Variants in COBL observed in about 807,000 individuals in gnomAD.
COBL encodes cordon-bleu WH2 repeat protein, also known as protein cordon-bleu.
In COBL, 51 loss-of-function variants were observed where a neutral mutation model predicts 98.8. That is an observed-to-expected ratio of 0.52 (90% CI 0.41 to 0.65). COBL has a LOEUF of 0.65. Ranked by LOEUF, COBL falls within the 30% of genes least tolerant of loss-of-function variation. COBL has a pLI of 0.00. For synonymous variants in COBL, 634 were observed against 651.7 expected (o/e 0.97, Z 0.41); for missense variants, 1,617 against 1,617.5 (o/e 1.00, Z 0.01).
At chr7:51,158,840 G>C (rs577844042) in intron 5 of COBL, among the ~76,000 whole-genome samples, 2 of 152,146 alleles carry the variant, frequency 1.3e-5, no homozygotes, top group East Asian at 1.9e-4. Flanking sequence ...TAGGGCGGGG[G>C]ACAGGGAAAG....
At chr7:51,061,101 T>C (rs562058978) in intron 7 of COBL, among the ~76,000 whole-genome samples, 1 of 152,314 alleles carries the variant, frequency 6.6e-6, no homozygotes, top group African/African-American at 2.4e-5. Context: ...GCTGAGGTGC[T>C]TGCTGAAGGC....
chr7:51,136,068 G>T, intron 6 of COBL, 90 bp downstream of exon 6: 2 of 1,473,434 alleles, frequency 1.4e-6, no homozygotes, highest in Non-Finnish European at 1.8e-6. Context: ...CCACAAACAT[G>T]AAGGATTACT....
intron 5 of COBL, among the ~76,000 whole-genome samples, chr7:51,142,324 C>G (rs1456960112): frequency 1.3e-5 from 2 of 151,360 alleles, no homozygotes; most frequent in Non-Finnish European, 2.9e-5. Context: ...CTGATGGTTT[C>G]TCGCCTGGCA....
At chr7:51,092,532 G>C (rs1794907577) in intron 6 of COBL, among the ~76,000 whole-genome samples, 1 of 152,218 alleles carries the variant, frequency 6.6e-6, no homozygotes, top group Middle Eastern at 3.4e-3. Flanking sequence ...ATTTACTGAA[G>C]AGACTGTTCT....
At chr7:51,110,612 T>C (rs761876190) in intron 6 of COBL, among the ~76,000 whole-genome samples, 24 of 152,226 alleles carry the variant, frequency 1.6e-4, no homozygotes, top group Non-Finnish European at 2.6e-4. Flanking sequence ...AGTTGTGATC[T>C]GTGAGGTTTT....
intron 1 of COBL, among the ~76,000 whole-genome samples, chr7:51,275,481 C>T (rs1799215491): frequency 6.6e-6 from 1 of 152,190 alleles, no homozygotes. Context: ...GTTCTGAGAT[C>T]CCAGCTCCAC....
intron 1 of COBL, among the ~76,000 whole-genome samples, chr7:51,239,454 T>C (rs1220096131): frequency 6.6e-6 from 1 of 152,182 alleles, no homozygotes; most frequent in Non-Finnish European, 1.5e-5. Flanking sequence ...GTTCCAGGAA[T>C]TGCCCACCCC....
intron 7 of COBL, chr7:51,071,275 G>A (rs1792525044): frequency 6.6e-6 from 1 of 152,202 alleles, no homozygotes. Context: ...TGAAATGCAA[G>A]TGCTTTGGGA....
Position 51,025,050 on chromosome 7 carries a change from C to A in COBL, c.3768+59G>T, listed in dbSNP as rs1488680421. 1.9e-6 allele frequency: 3 copies of A among 1,607,152 alleles called. No homozygotes were observed. In the African/African-American group the frequency reaches 4.0e-5, roughly 21 times the overall value. ...CCCACAGGCAAGCGTGTCCCTGGAT[C>A]TACGCTGCACCTCCAACCCTCTGGC... On this transcript the variant is annotated intron_variant, in intron 12 of 12. Coordinates refer to ENST00000265136, the MANE Select transcript of COBL (RefSeq NM_015198.5).
At chr7:51,215,296 A>T (rs569084570) in intron 2 of COBL, among the ~76,000 whole-genome samples, 1 of 152,320 alleles carries the variant, frequency 6.6e-6, no homozygotes, top group East Asian at 1.9e-4. Flanking sequence ...CACAAAAAAG[A>T]TTTTCGTAAA....
chr7:51,036,879 A>G (rs1413058894), intron 8 of COBL, among the ~76,000 whole-genome samples: 1 of 152,220 alleles, frequency 6.6e-6, no homozygotes, highest in Non-Finnish European at 1.5e-5. Flanking sequence ...TGTGGAATTG[A>G]TGTTCCCAAA....
intron 7 of COBL, among the ~76,000 whole-genome samples, chr7:51,047,872 A>G (rs958839530): frequency 7.4e-6 from 1 of 135,800 alleles, no homozygotes; most frequent in East Asian, 2.4e-4. Context: ...AAGCATTTCA[A>G]TAATTTTGTG....
At chr7:51,139,780 T>A (rs557574332) in intron 5 of COBL, among the ~76,000 whole-genome samples, 2 of 152,342 alleles carry the variant, frequency 1.3e-5, no homozygotes, top group African/African-American at 4.8e-5. Flanking sequence ...TTGTGAAGTA[T>A]TGAGTCCTTT....
At chr7:51,230,507 G>T (rs560316143) in intron 1 of COBL, among the ~76,000 whole-genome samples, 1 of 151,860 alleles carries the variant, frequency 6.6e-6, no homozygotes, top group African/African-American at 2.4e-5. Context: ...CTGACTTCCT[G>T]CTGGCCCCTT....
At chr7:51,230,838 A>C (rs1291791303) in intron 1 of COBL, among the ~76,000 whole-genome samples, 1 of 152,130 alleles carries the variant, frequency 6.6e-6, no homozygotes, top group Non-Finnish European at 1.5e-5. Context: ...CGTGGGGCAG[A>C]TCCCCTGCTA....
At chr7:51,299,975 T>G (rs1319626952) in intron 1 of COBL, among the ~76,000 whole-genome samples, 1 of 152,106 alleles carries the variant, frequency 6.6e-6, no homozygotes, top group Non-Finnish European at 1.5e-5. Context: ...TGCAGACCAG[T>G]CCACGGACCA....
chr7:51,244,959 T>C (rs912540732), intron 1 of COBL, among the ~76,000 whole-genome samples: 1 of 152,168 alleles, frequency 6.6e-6, no homozygotes, highest in East Asian at 1.9e-4. Flanking sequence ...CTATCTTTAG[T>C]CTCTCCCTGT....
intron 2 of COBL, among the ~76,000 whole-genome samples, chr7:51,217,342 T>TTTTTC (rs1461386500): frequency 2.1e-5 from 3 of 144,314 alleles, no homozygotes; most frequent in Non-Finnish European, 3.0e-5. Context: ...TTCTTTTTCT[T>TTTTTC]TTTTTTTTTT....
chr7:51,028,585 G>T lies in COBL; in HGVS notation c.2511C>A (p.Pro837=). 1 of 1,614,192 alleles carries T rather than the reference G, an allele frequency of 6.2e-7. No individual in the cohort carries two copies. The highest frequency in any genetic ancestry group is 8.5e-7 in the Non-Finnish European group (1 of 1,180,010). Residue 837 remains proline, a synonymous_variant, in exon 10 of 13, where the codon CCC becomes CCA. Coordinates refer to ENST00000265136, the MANE Select transcript of COBL (RefSeq NM_015198.5). ...CCCTCACGTGACCCATGCCCATGGTGGGGGGCTGGTTTCTCCCCTCCCCTA... is the reference window on the plus strand; with the variant it reads ...CCCTCACGTGACCCATGCCCATGGTTGGGGGCTGGTTTCTCCCCTCCCCTA... ...NPLGEGRNQP[P]TMGMGHVRVP...
Sources: allele counts gnomAD v4.1 joint callset (sites outside exome capture counted in the v4.1 genomes callset), GRCh38; gene constraint gnomAD v4.1.1; transcripts MANE v1.5; gene names NCBI Gene and HGNC (gene_info 2026-07-23, HGNC 2026-07-21).